Variants in ALK observed in about 807,000 individuals in gnomAD.
ALK encodes ALK receptor tyrosine kinase.
Under a neutral mutation model 163.1 loss-of-function variants are expected in ALK, and 74 were observed. The ratio of observed to expected loss-of-function variants is 0.45; its 90% CI spans 0.38 to 0.55. The LOEUF (loss-of-function observed/expected upper bound fraction) is 0.55, where lower values mean the gene tolerates loss of function less well. Among genes scored for constraint, ALK ranks in the 20% least tolerant of loss-of-function variants. The pLI, the probability that ALK is intolerant of heterozygous loss-of-function variation, is 0.00. For synonymous variants in ALK, 960 were observed against 843.2 expected, an observed-to-expected ratio of 1.14 and a Z score of -2.40; for missense variants, 2,063 against 2,105.3, an observed-to-expected ratio of 0.98 and a Z score of 0.39.
chr2:29,789,438 G>A (rs952958173), intron 1 of ALK, among the ~76,000 whole-genome samples: 11 of 152,200 alleles, frequency 7.2e-5, no homozygotes, highest in South Asian at 2.1e-4. Context: ...CTGACCAGTT[G>A]ATTGACTGGC....
chr2:29,870,410 A>G (rs7423563), intron 1 of ALK, among the ~76,000 whole-genome samples: 66,759 of 151,782 alleles, frequency 0.44, 15,480 homozygotes, highest in Non-Finnish European at 0.5. Flanking sequence ...CAGATCTCAT[A>G]AGAACTCACA....
chr2:29,481,466 A>G (rs543542297), intron 4 of ALK, among the ~76,000 whole-genome samples: 2 of 152,232 alleles, frequency 1.3e-5, no homozygotes, highest in Non-Finnish European at 2.9e-5. Context: ...AACTCAATTT[A>G]TACATATTAT....
intron 1 of ALK, among the ~76,000 whole-genome samples, chr2:29,760,560 GT>G (rs2148336819): frequency 6.6e-6 from 1 of 152,226 alleles, no homozygotes; most frequent in East Asian, 1.9e-4. Flanking sequence ...GCATTTCCAT[GT>G]CAAAATGGAC....
rs948499342 is a variant in ALK at position 29,318,328 on chromosome 2, T to C, written c.1623A>G (p.Ala541=). 3 of 1,613,826 alleles carry C rather than the reference T, an allele frequency of 1.9e-6. No homozygotes were observed. The Admixed American group carries it at 5.0e-5, about 27-fold the overall frequency. ...CCTCACATGGAGAGCTCTTGATCGG[T>C]GCAGGAAACGTAGCACTGGTCACTG... ...SATVTSATFP[A]PIKSSPCELR... is the part of the protein sequence containing the mutation. The change falls in exon 8 of 29, where the codon GCA becomes GCG. Residue 541 remains alanine, a synonymous_variant. Coordinates refer to ENST00000389048, the MANE Select transcript of ALK (RefSeq NM_004304.5).
intron 5 of ALK, among the ~76,000 whole-genome samples, chr2:29,381,805 C>T (rs1385927474): frequency 6.6e-6 from 1 of 152,166 alleles, no homozygotes; most frequent in Admixed American, 6.5e-5. Flanking sequence ...TTAAAGTAAC[C>T]CCTTCCCTTT....
chr2:29,739,523 A>C (rs1250868786), intron 1 of ALK, among the ~76,000 whole-genome samples: 1 of 149,286 alleles, frequency 6.7e-6, no homozygotes, highest in Non-Finnish European at 1.5e-5. Context: ...GCGCCACTGC[A>C]CTCCAGCCTG....
intron 2 of ALK, among the ~76,000 whole-genome samples, chr2:29,709,669 T>C (rs1481881172): frequency 2.0e-5 from 3 of 152,128 alleles, no homozygotes; most frequent in Admixed American, 6.6e-5. Flanking sequence ...GGGGATAAAG[T>C]GAGGTCCACC....
Position 29,879,732 on chromosome 2 carries a change from A to G in ALK, c.667+40261T>C, listed in dbSNP as rs182757006. On this transcript the variant is annotated intron_variant, in intron 1 of 28. Coordinates refer to ENST00000389048, the MANE Select transcript of ALK (RefSeq NM_004304.5). The stretch of plus-strand genomic sequence containing the variant: ...CAAAGAGGACGTGCCCACTTATGAA[A>G]GGGAAGAGAAAGGATGAATGCTAGG... Among the ~76,000 whole-genome samples the G allele has an allele frequency of 1.6e-3, 250 of 152,330 alleles. 2 individuals are homozygous for G. Among genetic ancestry groups the G allele is most frequent in the African/African-American group, 5.7e-3 (239 of 41,584 alleles).
chr2:29,498,433 A>G (rs1474616056), intron 4 of ALK, among the ~76,000 whole-genome samples: 1 of 152,142 alleles, frequency 6.6e-6, no homozygotes, highest in African/African-American at 2.4e-5. Context: ...CCTATGAGAT[A>G]TAGAGGAAAT....
chr2:29,297,187 T>C (rs971911390), intron 8 of ALK, 130 bp from the exon 9 acceptor site: 4 of 968,890 alleles, frequency 4.1e-6, no homozygotes, highest in Non-Finnish European at 6.4e-6. Context: ...AAGAGCTGGA[T>C]GCCCACCACC....
At chr2:29,488,476 C>G (rs1238733427) in intron 4 of ALK, among the ~76,000 whole-genome samples, 1 of 152,106 alleles carries the variant, frequency 6.6e-6, no homozygotes, top group Non-Finnish European at 1.5e-5. Context: ...CAAGCAGTTT[C>G]CCTGGCATGA....
chr2:29,634,446 T>C (rs1166948618), intron 3 of ALK, among the ~76,000 whole-genome samples: 1 of 152,180 alleles, frequency 6.6e-6, no homozygotes, highest in East Asian at 1.9e-4. Flanking sequence ...TGGGAGCTAT[T>C]TCAGGGATGC....
At chr2:29,407,183 T>C (rs915697795) in intron 4 of ALK, among the ~76,000 whole-genome samples, 1 of 152,230 alleles carries the variant, frequency 6.6e-6, no homozygotes, top group Non-Finnish European at 1.5e-5. Context: ...CTGAAGCAGC[T>C]CTTTATCTTC....
intron 13 of ALK, among the ~76,000 whole-genome samples, chr2:29,238,785 A>T (rs904803307): frequency 7.9e-5 from 12 of 152,180 alleles, no homozygotes; most frequent in Admixed American, 2.6e-4. Context: ...GCATCCACAA[A>T]GTTTGAGAGC....
At chr2:29,649,957 C>G (rs1378069512) in intron 3 of ALK, among the ~76,000 whole-genome samples, 1 of 152,094 alleles carries the variant, frequency 6.6e-6, no homozygotes, top group African/African-American at 2.4e-5. Context: ...GTATAGACCA[C>G]AAAATCTATG....
At chr2:29,327,856 C>A (rs1468973256) in intron 6 of ALK, among the ~76,000 whole-genome samples, 1 of 152,132 alleles carries the variant, frequency 6.6e-6, no homozygotes, top group Non-Finnish European at 1.5e-5. Context: ...AGAATCGACT[C>A]AGGGCGAGTC....
rs538907335 is a variant in ALK at position 29,564,158 on chromosome 2, G to A, written c.953-32042C>T. 6.6e-5 allele frequency among the ~76,000 whole-genome samples: 10 copies of A among 152,096 alleles called. No homozygotes were observed. The South Asian group carries it at 8.3e-4, about 13-fold the overall frequency. ...TCTCTTGACTTACTGGCTGTCGTGC[G>A]GTGAGTGGTGCGAGCTTTGGACTCA... On this transcript the variant is annotated intron_variant, in intron 3 of 28. Transcript: ENST00000389048.
intron 1 of ALK, among the ~76,000 whole-genome samples, chr2:29,812,699 T>C (rs1011674646): frequency 5.3e-5 from 8 of 152,148 alleles, no homozygotes; most frequent in African/African-American, 9.7e-5. Context: ...GATGGTGCCA[T>C]ATAGAGGGGA....
intron 1 of ALK, among the ~76,000 whole-genome samples, chr2:29,893,068 C>G (rs1196728152): frequency 6.6e-6 from 1 of 152,162 alleles, no homozygotes; most frequent in Non-Finnish European, 1.5e-5. Flanking sequence ...ATGGGGCCAT[C>G]TATTCTGGGC....
Sources: allele counts gnomAD v4.1 joint callset (sites outside exome capture counted in the v4.1 genomes callset), GRCh38; gene constraint gnomAD v4.1.1; transcripts MANE v1.5; gene names NCBI Gene and HGNC (gene_info 2026-07-23, HGNC 2026-07-21).